Variants in DACH1 observed in about 807,000 individuals in gnomAD.
DACH1 encodes the protein dachshund homolog 1.
DACH1 carries 12 observed loss-of-function variants against 54.2 expected under a neutral mutation model. That is an observed-to-expected ratio of 0.22 (90% CI 0.14 to 0.36). DACH1 has a LOEUF of 0.36. Among genes scored for constraint, DACH1 ranks in the 10% least tolerant of loss-of-function variants. The probability of loss-of-function intolerance (pLI) is 1.00; values close to 1 mark genes in which losing one functional copy is unlikely to be tolerated. For synonymous variants in DACH1, 386 were observed against 366.2 expected (o/e 1.05, Z -0.62); for missense variants, 805 against 929.8 (o/e 0.87, Z 1.75).
intron 3 of DACH1, among the ~76,000 whole-genome samples, chr13:71,585,601 GC>G (rs1265435280): frequency 2.0e-5 from 3 of 152,282 alleles, no homozygotes; most frequent in East Asian, 3.9e-4. Flanking sequence ...CTGGATGACA[GC>G]TGGGTACCTC....
intron 2 of DACH1, among the ~76,000 whole-genome samples, chr13:71,641,016 A>G (rs997224712): frequency 4.6e-5 from 7 of 151,830 alleles, no homozygotes; most frequent in African/African-American, 1.2e-4. Flanking sequence ...CAAGTACCAC[A>G]TGGGGTCTGT....
chr13:71,806,110 T>C (rs905198596), intron 1 of DACH1, among the ~76,000 whole-genome samples: 3 of 152,176 alleles, frequency 2.0e-5, no homozygotes, highest in African/African-American at 7.2e-5. Flanking sequence ...CCTGGCCAAA[T>C]TCTTTATAAT....
chr13:71,656,516 T>C (rs1035769399), intron 2 of DACH1, among the ~76,000 whole-genome samples: 2 of 152,096 alleles, frequency 1.3e-5, no homozygotes, highest in African/African-American at 4.8e-5. Flanking sequence ...CTGTTTGATT[T>C]ATCTTACCCA....
chr13:71,666,307 A>G (rs1191688993), intron 2 of DACH1, among the ~76,000 whole-genome samples: 1 of 152,184 alleles, frequency 6.6e-6, no homozygotes, highest in Non-Finnish European at 1.5e-5. Flanking sequence ...AAGAGATGTG[A>G]GAAGTACTAT....
At chr13:71,664,354 A>G (rs1389097477) in intron 2 of DACH1, among the ~76,000 whole-genome samples, 1 of 152,032 alleles carries the variant, frequency 6.6e-6, no homozygotes, top group Non-Finnish European at 1.5e-5. Flanking sequence ...TTGTGAATTT[A>G]AGAAACAACC....
At chr13:71,570,953 A>G (rs1885156720) in intron 4 of DACH1, among the ~76,000 whole-genome samples, 1 of 152,220 alleles carries the variant, frequency 6.6e-6, no homozygotes, top group Non-Finnish European at 1.5e-5. Context: ...GCAAAATAAA[A>G]TAAATCAAGT....
chr13:71,442,432 A>C (rs1174047179), intron 10 of DACH1, among the ~76,000 whole-genome samples: 2 of 152,066 alleles, frequency 1.3e-5, no homozygotes, highest in Non-Finnish European at 2.9e-5. Context: ...TTCTTCATTC[A>C]TCTGCTGATG....
intron 3 of DACH1, among the ~76,000 whole-genome samples, chr13:71,620,860 T>A (rs1876181115): frequency 6.6e-6 from 1 of 151,524 alleles, no homozygotes; most frequent in Admixed American, 6.6e-5. Context: ...AGAAGTAAAA[T>A]CATAGATGAA....
intron 6 of DACH1, among the ~76,000 whole-genome samples, chr13:71,555,992 T>A (rs1462891215): frequency 6.6e-6 from 1 of 152,226 alleles, no homozygotes; most frequent in East Asian, 1.9e-4. Flanking sequence ...TGTAGAAATA[T>A]ACTCCTTCTC....
chr13:71,811,521 C>T (rs1887710840), intron 1 of DACH1, among the ~76,000 whole-genome samples: 1 of 152,096 alleles, frequency 6.6e-6, no homozygotes, highest in Non-Finnish European at 1.5e-5. Context: ...CACTAGTTTG[C>T]TACTATTCTA....
intron 6 of DACH1, among the ~76,000 whole-genome samples, chr13:71,553,789 G>C (rs889721191): frequency 1.3e-5 from 2 of 150,994 alleles, no homozygotes; most frequent in African/African-American, 4.9e-5. Flanking sequence ...TCAACTAATG[G>C]TGACTTAATT....
intron 6 of DACH1, among the ~76,000 whole-genome samples, chr13:71,492,729 CTGTGTGTGTGTGAG>C (rs1275570584): frequency 2.0e-5 from 3 of 147,944 alleles, no homozygotes; most frequent in Non-Finnish European, 4.5e-5. Flanking sequence ...CTCTCTTGTT[CTGTGTGTGTGTGAG>C]TGTGTGTGTG....
intron 6 of DACH1, among the ~76,000 whole-genome samples, chr13:71,529,183 G>GTTTTTTTTT (rs10707603): frequency 1.4e-4 from 11 of 80,980 alleles, no homozygotes; most frequent in African/African-American, 3.1e-4. Flanking sequence ...TGTGATTTGG[G>GTTTTTTTTT]TTTTTTTTTT....
intron 1 of DACH1, among the ~76,000 whole-genome samples, chr13:71,808,086 A>G (rs1887580629): frequency 6.6e-6 from 1 of 152,086 alleles, no homozygotes; most frequent in Admixed American, 6.6e-5. Context: ...TGACATCACC[A>G]CCCAACCTGG....
intron 1 of DACH1, among the ~76,000 whole-genome samples, chr13:71,837,361 T>C (rs543550237): frequency 6.6e-6 from 1 of 151,862 alleles, no homozygotes; most frequent in Non-Finnish European, 1.5e-5. Context: ...ACATATTCTG[T>C]AATAGTATTA....
chr13:71,834,443 C>T (rs964648571), intron 1 of DACH1, among the ~76,000 whole-genome samples: 5 of 151,998 alleles, frequency 3.3e-5, no homozygotes, highest in African/African-American at 1.2e-4. Context: ...CAAATATCTA[C>T]CTAATCTCCA....
In DACH1 at chr13:71,583,547, A is replaced by G. The variant is rs137978454; in HGVS notation, c.1127-10535T>C. On this transcript the variant is annotated intron_variant, in intron 3 of 10. Transcript: ENST00000613252. ...TGTGAGAGAAATCTACCTATTAAAA[A>G]TAAGTATCTCCATGGTCAGGCACAG... Among the ~76,000 whole-genome samples, 910 of 152,306 alleles carry G rather than the reference A, an allele frequency of 6.0e-3. 9 individuals carry two copies. The highest frequency in any genetic ancestry group is 0.021 in the African/African-American group (867 of 41,560).
intron 6 of DACH1, among the ~76,000 whole-genome samples, chr13:71,519,159 AC>A (rs1881383151): frequency 6.6e-6 from 1 of 151,860 alleles, no homozygotes; most frequent in Admixed American, 6.6e-5. Context: ...GATTAGTAGC[AC>A]CCTTTATCAT....
intron 1 of DACH1, among the ~76,000 whole-genome samples, chr13:71,713,215 A>C (rs1882811655): frequency 6.6e-6 from 1 of 151,932 alleles, no homozygotes; most frequent in Non-Finnish European, 1.5e-5. Context: ...ACCTGATACT[A>C]TCAACCCAAG....
Sources: gnomAD v4.1 joint callset for allele counts (sites outside exome capture counted in the v4.1 genomes callset) on GRCh38, gnomAD v4.1.1 for gene constraint, MANE v1.5 for transcripts, NCBI Gene and HGNC (gene_info 2026-07-23, HGNC 2026-07-21) for gene names.